The following PIEZO1 variants were observed in gnomAD, a reference collection of about 807,000 sequenced individuals.
PIEZO1 encodes the protein piezo-type mechanosensitive ion channel component 1.
PIEZO1 carries 296 observed loss-of-function variants against 297.2 expected under a neutral mutation model. The observed-to-expected ratio is 1.00, with a 90% CI of 0.91 to 1.10. The LOEUF (loss-of-function observed/expected upper bound fraction) is 1.10. Among genes scored for constraint, PIEZO1 ranks in the 50% least tolerant of loss-of-function variants. The probability of loss-of-function intolerance (pLI) is 0.00; values close to 1 mark genes in which losing one functional copy is unlikely to be tolerated. For synonymous variants in PIEZO1, 2,427 were observed against 1,507.5 expected (o/e 1.61, Z -14.13); for missense variants, 5,018 against 3,455.5 (o/e 1.45, Z -11.34).
At position 88,715,376 on chromosome 16, in the gene PIEZO1, TA is replaced by T. The variant is rs113700874; in HGVS notation, c.*228del. The T allele has an allele frequency of 1.0e-3, 1,100 of 1,084,560 alleles. 3 individuals carry two copies. Among genetic ancestry groups the T allele is most frequent in the South Asian group, 1.3e-3 (77 of 59,888 alleles). 67.2% of individuals were successfully genotyped at this position (1,084,560 alleles called of 1,614,324 possible). On this transcript the variant is annotated 3_prime_UTR_variant, in exon 51 of 51. Coordinates refer to ENST00000301015, the MANE Select transcript of PIEZO1 (RefSeq NM_001142864.4). Reference sequence around the variant, plus strand: ...TTGTATAAATAAAACATTTTTTAATTAAAAAAAAAACTCTACAGTACACGTG... The same window carrying T: ...TTGTATAAATAAAACATTTTTTAATTAAAAAAAAACTCTACAGTACACGTG...
chr16:88,773,367 G>A lies in PIEZO1; in HGVS notation c.64+11534C>T, dbSNP rs144248354. 3.3e-4 allele frequency among the ~76,000 whole-genome samples: 50 copies of A among 152,384 alleles called. No homozygotes were observed. In the East Asian group the frequency reaches 6.8e-3, roughly 21 times the overall value. Reference sequence around the variant, plus strand: ...GGCGTGGGGGCCAGGGAGGAGGTGGGCAGGGGGAGGGGCCTTGCCCGAGAC... The same window carrying A: ...GGCGTGGGGGCCAGGGAGGAGGTGGACAGGGGGAGGGGCCTTGCCCGAGAC... On this transcript the variant is annotated intron_variant, in intron 1 of 50. Coordinates refer to ENST00000301015, the MANE Select transcript of PIEZO1 (RefSeq NM_001142864.4).
rs758976094 is a variant in PIEZO1, at chr16:88,716,690, G to T, written c.6795C>A (p.Ile2265=). 3.7e-5 allele frequency: 57 copies of T among 1,548,750 alleles called. No homozygotes were observed. The highest frequency in any genetic ancestry group is 3.5e-4 in the Admixed American group (18 of 50,994). ...QFISQYSPED[I]VTAQIEGSSG... is the part of the protein sequence containing the mutation. Reference sequence around the variant, plus strand: ...AGCTGCCCTCAATCTGCGCCGTGACGATGTCCTCAGGGCTGTACTGGCTGA... The same window carrying T: ...AGCTGCCCTCAATCTGCGCCGTGACTATGTCCTCAGGGCTGTACTGGCTGA... Residue 2265 remains isoleucine (I), a synonymous_variant, in exon 47 of 51, where the codon ATC becomes ATA. Transcript: ENST00000301015.
chr16:88,749,417 AG>A lies in PIEZO1; in HGVS notation c.126del (p.Trp43GlyfsTer63). 6.6e-7 allele frequency: 1 copy of A among 1,522,072 alleles called. No homozygotes were observed. The highest frequency in any genetic ancestry group is 8.8e-7 in the Non-Finnish European group (1 of 1,141,446). The allele number at this position is 1,522,072 out of a possible 1,614,324, so 94.3% of individuals were successfully genotyped here. On this transcript the variant is annotated frameshift_variant, in exon 2 of 51. Coordinates refer to ENST00000301015, the MANE Select transcript of PIEZO1 (RefSeq NM_001142864.4). LOFTEE classifies it high-confidence loss of function. The part of the protein sequence containing the change: ...LVYLLFLLLL[P>X]WFPGPTRCGL... ...CCGCATCGGGTGGGGCCGGGGAACC[AG>A]GGCAGCAGCAGCAGGAAGAGCAGGT...
Position 88,715,844 on chromosome 16 carries a change from GC to G in PIEZO1, c.7326del (p.Leu2443CysfsTer71), listed in dbSNP as rs1567655936. The G allele has an allele frequency of 6.5e-7, 1 of 1,549,800 alleles. No homozygotes were observed. Among genetic ancestry groups the G allele is most frequent in the South Asian group, 1.2e-5 (1 of 84,062 alleles). On this transcript the variant is annotated frameshift_variant, in exon 51 of 51. Transcript: ENST00000301015. LOFTEE classifies it high-confidence loss of function. ...LGFLAGYGIM[G>X]LYVSIVLVIG... ...ATGACCAGCACGATGGACACGTACA[GC>G]CCCATGATGCTGCGGGGGAAGCTGG...
chr16:88,727,717 C>A, intron 22 of PIEZO1, 56 bp from the exon 23 acceptor site: 3 of 856,214 alleles, frequency 3.5e-6, no homozygotes, highest in Non-Finnish European at 5.2e-6. Flanking sequence ...GCCTGAGACA[C>A]CCGGTCCCCA....
Position 88,734,935 on chromosome 16 carries a change from G to T in PIEZO1, c.1788C>A (p.Arg596=). 6.4e-7 allele frequency: 1 copy of T among 1,550,476 alleles called. No individual in the cohort carries two copies. The highest frequency in any genetic ancestry group is 8.7e-7 in the Non-Finnish European group (1 of 1,146,982). The change falls in exon 14 of 51, where the codon CGC becomes CGA. Residue 596 remains arginine (R), a synonymous_variant. Transcript: ENST00000301015. ...TGTAGACAATCTTGTAGACCACGAG[G>T]CGGCCGGCGAAGCTGACCACGATGA... ...GMFIVVSFAG[R]LVVYKIVYMF... is the part of the protein sequence containing the mutation.
rs774237388 is a variant in PIEZO1 at position 88,722,175 on chromosome 16, G to A, written c.4955+43C>T. ...TCCTGCCCCTGTTCGGCTGCTCCCC[G>A]AGGGCCATGGTGAGGCTGGTGTTGT... On this transcript the variant is annotated intron_variant, in intron 36 of 50. Coordinates refer to ENST00000301015, the MANE Select transcript of PIEZO1 (RefSeq NM_001142864.4). The A allele has an allele frequency of 1.4e-5, 21 of 1,530,706 alleles. No individual in the cohort carries two copies. In the African/African-American group the frequency reaches 1.4e-4, roughly 10 times the overall value. The allele number at this position is 1,530,706 out of a possible 1,614,324, so 94.8% of individuals were successfully genotyped here. A position where few individuals can be genotyped will look rare whatever the true frequency, so the allele number is the denominator to read the frequency against.
chr16:88,783,054 T>A (rs185064234), intron 1 of PIEZO1, among the ~76,000 whole-genome samples: 133 of 152,282 alleles, frequency 8.7e-4, no homozygotes, highest in Non-Finnish European at 1.4e-3. Flanking sequence ...AGACAGACAG[T>A]CAGTCATCAC....
At chr16:88,751,313 T>C (rs1254131541) in intron 1 of PIEZO1, among the ~76,000 whole-genome samples, 1 of 152,184 alleles carries the variant, frequency 6.6e-6, no homozygotes, top group Non-Finnish European at 1.5e-5. Flanking sequence ...ATCTCCCCAT[T>C]GGCACCGTGG....
At chr16:88,744,488 G>A (rs1329630041) in intron 2 of PIEZO1, 7 of 151,964 alleles carry the variant, frequency 4.6e-5, no homozygotes, top group Admixed American at 6.6e-5. Context: ...CTGCACACAC[G>A]ATCCAGCAGC....
chr16:88,723,134 C>G lies in PIEZO1; in HGVS notation c.4456G>C (p.Glu1486Gln). 6.5e-7 allele frequency: 1 copy of G among 1,549,144 alleles called. No individual in the cohort carries two copies. Residue 1486 changes from glutamate (E) to glutamine (Q), a missense_variant, in exon 33 of 51, where the codon GAG becomes CAG. By Grantham distance (29) the Glu-to-Gln change is conservative. Transcript: ENST00000301015. ...TCGGGGCCCTCTGCTGGCTCCACCT[C>G]CTGGCTGGGACCACCTCCTGGGCAC... The part of the protein sequence containing the change: ...QLPTGGGPSQ[E>Q]VEPAEGPEEA...
rs766262024 is a variant in PIEZO1, at chr16:88,716,477, C to T, written c.6933G>A (p.Leu2311=). Reference sequence around the variant, plus strand: ...CATACTCCACAGTGCCTCCCTTCGCCAGGTCCCTGGGGGTGGGAACACAGC... The same window carrying T: ...CATACTCCACAGTGCCTCCCTTCGCTAGGTCCCTGGGGGTGGGAACACAGC... ...LRFTWNFQRD[L]AKGGTVEYAN... The change falls in exon 48 of 51, where the codon CTG becomes CTA. Residue 2311 remains leucine (L), a synonymous_variant. Transcript: ENST00000301015. 1.4e-5 allele frequency: 22 copies of T among 1,546,962 alleles called. No individual in the cohort carries two copies. Among genetic ancestry groups the T allele is most frequent in the Non-Finnish European group, 1.9e-5 (22 of 1,145,056 alleles).
Position 88,737,815 on chromosome 16 carries a change from C to T in PIEZO1, c.1021-1G>A. 6.5e-7 allele frequency: 1 copy of T among 1,535,850 alleles called. No individual in the cohort carries two copies. Among genetic ancestry groups the T allele is most frequent in the Middle Eastern group, 1.7e-4 (1 of 5,990 alleles). Reference sequence around the variant, plus strand: ...CATACCCCTTTGCCGCCTCCTTCCTCTGCAGAGACCAGCGTCTTGAGCCCA... The same window carrying T: ...CATACCCCTTTGCCGCCTCCTTCCTTTGCAGAGACCAGCGTCTTGAGCCCA... On this transcript the variant is annotated splice_acceptor_variant, in intron 8 of 50. Coordinates refer to ENST00000301015, the MANE Select transcript of PIEZO1 (RefSeq NM_001142864.4). LOFTEE classifies it high-confidence loss of function.
At position 88,723,213 on chromosome 16, in the gene PIEZO1, C is replaced by T. The variant is rs770856199; in HGVS notation, c.4438+13G>A. ...GCGGCTTCCCCTCAGAGTCCCCACG[C>T]CCCCCAGCTCACCTGTGGGTAGCTG... On this transcript the variant is annotated intron_variant, in intron 32 of 50. Transcript: ENST00000301015. The T allele has an allele frequency of 1.2e-5, 18 of 1,548,214 alleles. No individual in the cohort carries two copies. In the Admixed American group the frequency reaches 1.6e-4, roughly 13 times the overall value.
chr16:88,716,340 C>G, intron 48 of PIEZO1, 21 bp downstream of exon 48: 4 of 1,511,660 alleles, frequency 2.6e-6, no homozygotes, highest in Non-Finnish European at 3.6e-6. Context: ...CTCCTGCCCA[C>G]CACCCGGGCC....
At chr16:88,749,210 A>T (rs1005992590) in intron 2 of PIEZO1, among the ~76,000 whole-genome samples, 174 bp downstream of exon 2, 1 of 151,984 alleles carries the variant, frequency 6.6e-6, no homozygotes, top group African/African-American at 2.4e-5. Context: ...ACTGCACTCC[A>T]GCCTGGGCGA....
At chr16:88,764,225 G>A (rs928032198) in intron 1 of PIEZO1, among the ~76,000 whole-genome samples, 1 of 152,098 alleles carries the variant, frequency 6.6e-6, no homozygotes, top group Admixed American at 6.5e-5. Flanking sequence ...ACGGGGTCTC[G>A]GCCACAGGAG....
rs1314158150 is a variant in PIEZO1 at position 88,734,717 on chromosome 16, C to G, written c.1930G>C (p.Val644Leu). ...VAYTMLVLIA[V>L]YTFQFQDFPA... is the part of the protein sequence containing the mutation. ...AAGTCCTGGAACTGGAAGGTGTAGA[C>G]GGCGATGAGGACCAGCATGGTGTAG... Residue 644 changes from valine (V) to leucine (L), a missense_variant, in exon 15 of 51, where the codon GTC becomes CTC. Transcript: ENST00000301015. The G allele has an allele frequency of 1.9e-6, 3 of 1,550,046 alleles. No homozygotes were observed. The highest frequency in any genetic ancestry group is 2.6e-6 in the Non-Finnish European group (3 of 1,146,892).
rs1200076136 is a variant in PIEZO1 at position 88,785,043 on chromosome 16, C to G, written c.-79G>C. On this transcript the variant is annotated 5_prime_UTR_variant, in exon 1 of 51. Coordinates refer to ENST00000301015, the MANE Select transcript of PIEZO1 (RefSeq NM_001142864.4). ...GGCGGTGCGGGGGCCCCGGGGCCGG[C>G]GCGCCATGGCTGACCCGCGGGGACC... is the stretch of plus-strand genomic sequence containing the variant. 4.7e-5 allele frequency: 41 copies of G among 867,424 alleles called. No individual in the cohort carries two copies. In the Admixed American group the frequency reaches 9.0e-4, roughly 19 times the overall value. The allele number at this position is 867,424 out of a possible 1,614,324, so 53.7% of individuals were successfully genotyped here.
Sources: gnomAD v4.1 joint callset for allele counts (sites outside exome capture counted in the v4.1 genomes callset) on GRCh38, gnomAD v4.1.1 for gene constraint, MANE v1.5 for transcripts, NCBI Gene and HGNC (gene_info 2026-07-23, HGNC 2026-07-21) for gene names.